The following ATP8A1 variants were observed in gnomAD, a reference collection of about 807,000 sequenced individuals.
The protein encoded by ATP8A1 is ATPase phospholipid transporting 8A1.
In ATP8A1, 90 loss-of-function variants were observed where a neutral mutation model predicts 177.7. The observed-to-expected ratio is 0.51, with a 90% CI of 0.43 to 0.60. The LOEUF is 0.60. ATP8A1 is among the 20% of genes least tolerant of loss of function. ATP8A1 has a pLI of 0.00. For synonymous variants in ATP8A1, 493 were observed against 485.9 expected, an observed-to-expected ratio of 1.01 and a Z score of -0.19; for missense variants, 1,072 against 1,392.8, an observed-to-expected ratio of 0.77 and a Z score of 3.67.
At chr4:42,538,143 A>G (rs1728028957) in intron 20 of ATP8A1, among the ~76,000 whole-genome samples, 1 of 152,218 alleles carries the variant, frequency 6.6e-6, no homozygotes, top group Non-Finnish European at 1.5e-5. Context: ...TCTTTAGCAA[A>G]GCAAACAAAA....
At chr4:42,520,884 T>A (rs1035116168) in intron 22 of ATP8A1, among the ~76,000 whole-genome samples, 2 of 152,176 alleles carry the variant, frequency 1.3e-5, no homozygotes, top group Non-Finnish European at 2.9e-5. Flanking sequence ...TAAAAAGTGA[T>A]AATCTGTTGA....
chr4:42,428,416 C>G (rs1409536129), intron 33 of ATP8A1, among the ~76,000 whole-genome samples: 1 of 152,238 alleles, frequency 6.6e-6, no homozygotes, highest in East Asian at 1.9e-4. Context: ...CTGCCCAAGA[C>G]AGAAACCTGG....
intron 1 of ATP8A1, among the ~76,000 whole-genome samples, chr4:42,639,812 C>T (rs1739781468): frequency 6.6e-6 from 1 of 152,146 alleles, no homozygotes. Context: ...TCCAAGACCC[C>T]TTACCAAATC....
intron 27 of ATP8A1, among the ~76,000 whole-genome samples, chr4:42,456,716 C>T (rs748635019): frequency 5.3e-5 from 8 of 152,104 alleles, no homozygotes; most frequent in Non-Finnish European, 1.2e-4. Context: ...ATTACATAAG[C>T]ACAAATACAA....
intron 1 of ATP8A1, among the ~76,000 whole-genome samples, chr4:42,638,479 A>G (rs1311194741): frequency 6.6e-6 from 1 of 152,246 alleles, no homozygotes; most frequent in East Asian, 1.9e-4. Flanking sequence ...TAGTATGCCT[A>G]GAGTTGGGCG....
rs774247010 is a variant in ATP8A1 at position 42,522,317 on chromosome 4, C to T, written c.1808-18G>A. On this transcript the variant is annotated intron_variant, in intron 21 of 36. Transcript: ENST00000381668. Reference sequence around the variant, plus strand: ...TCTTAACCCTGAAAAAGATAGCATACATCACCCCAACACACCAAAGATTTT... The same window carrying T: ...TCTTAACCCTGAAAAAGATAGCATATATCACCCCAACACACCAAAGATTTT... 24 of 1,611,476 alleles carry T rather than the reference C, an allele frequency of 1.5e-5. No homozygotes were observed. The highest frequency in any genetic ancestry group is 2.2e-5 in the South Asian group (2 of 90,736).
chr4:42,556,699 G>C (rs1730275176), intron 15 of ATP8A1, among the ~76,000 whole-genome samples: 1 of 151,968 alleles, frequency 6.6e-6, no homozygotes, highest in Admixed American at 6.6e-5. Context: ...CTGCAAACTA[G>C]CTATCATTTA....
intron 27 of ATP8A1, among the ~76,000 whole-genome samples, chr4:42,458,349 G>T (rs918778100): frequency 6.6e-6 from 1 of 152,194 alleles, no homozygotes; most frequent in Non-Finnish European, 1.5e-5. Flanking sequence ...TGCTGGGACA[G>T]TATCACCTTA....
chr4:42,581,363 G>A (rs761767471), intron 10 of ATP8A1, among the ~76,000 whole-genome samples: 3 of 152,154 alleles, frequency 2.0e-5, no homozygotes, highest in Non-Finnish European at 2.9e-5. Context: ...TTGATCTCCT[G>A]ACCTTGTGAT....
At chr4:42,618,286 T>G (rs1473047166) in intron 4 of ATP8A1, among the ~76,000 whole-genome samples, 1 of 152,226 alleles carries the variant, frequency 6.6e-6, no homozygotes, top group Non-Finnish European at 1.5e-5. Flanking sequence ...CAAGGCTTAC[T>G]CCCTGGCCCT....
At chr4:42,624,458 A>T in intron 4 of ATP8A1, 78 bp downstream of exon 4, 1 of 767,268 alleles carries the variant, frequency 1.3e-6, no homozygotes, top group Non-Finnish European at 2.0e-6. Flanking sequence ...AGAATTAAAT[A>T]ATTTAAGAAA....
Position 42,657,010 on chromosome 4 carries a change from C to G in ATP8A1, c.-137G>C. The G allele has an allele frequency of 1.0e-6, 1 of 962,526 alleles. No homozygotes were observed. Among genetic ancestry groups the G allele is most frequent in the Non-Finnish European group, 1.4e-6 (1 of 738,130 alleles). 59.6% of individuals were successfully genotyped at this position (962,526 alleles called of 1,614,324 possible). On this transcript the variant is annotated 5_prime_UTR_variant, in exon 1 of 37. Coordinates refer to ENST00000381668, the MANE Select transcript of ATP8A1 (RefSeq NM_006095.2). ...GCGCCGCCGCCCACCTAGGGCAGAG[C>G]TGCCGCCGGGCGCGGCCCCCGCACG...
chr4:42,462,137 G>A (rs1471011234), intron 27 of ATP8A1, among the ~76,000 whole-genome samples: 3 of 152,220 alleles, frequency 2.0e-5, no homozygotes, highest in African/African-American at 7.2e-5. Flanking sequence ...GCCTGACAAT[G>A]CAATAGAAAA....
chr4:42,549,852 T>G (rs1326570978), intron 18 of ATP8A1, among the ~76,000 whole-genome samples: 1 of 151,900 alleles, frequency 6.6e-6, no homozygotes. Context: ...AAAAAAATAA[T>G]TACCAAATAC....
chr4:42,557,309 G>T (rs553310781), intron 15 of ATP8A1, among the ~76,000 whole-genome samples: 137 of 152,210 alleles, frequency 9.0e-4, no homozygotes, highest in Non-Finnish European at 1.7e-3. Flanking sequence ...CTAAGAAAAA[G>T]ATAGCATATA....
intron 25 of ATP8A1, chr4:42,472,067 G>T (rs1560362721): frequency 4.2e-6 from 3 of 720,290 alleles, no homozygotes; most frequent in Non-Finnish European, 7.9e-6. Context: ...TGGAGAAAAA[G>T]TTCAGTGGGA....
At chr4:42,643,937 T>C (rs568839993) in intron 1 of ATP8A1, among the ~76,000 whole-genome samples, 45 of 152,296 alleles carry the variant, frequency 3.0e-4, no homozygotes, top group Admixed American at 1.2e-3. Flanking sequence ...TAGCTTAGGA[T>C]GTTAAAGATA....
intron 30 of ATP8A1, among the ~76,000 whole-genome samples, chr4:42,447,449 C>A (rs1403051190): frequency 2.0e-5 from 3 of 152,034 alleles, no homozygotes; most frequent in African/African-American, 4.8e-5. Context: ...TCCCAAAGCG[C>A]TGGGATTACA....
intron 12 of ATP8A1, 69 bp downstream of exon 12, chr4:42,578,191 C>T: frequency 1.4e-6 from 2 of 1,401,342 alleles, no homozygotes; most frequent in Non-Finnish European, 1.9e-6. Flanking sequence ...CTTTTTTCTC[C>T]TGAGATATCA....
Sources: gnomAD v4.1 joint callset for allele counts (sites outside exome capture counted in the v4.1 genomes callset) on GRCh38, gnomAD v4.1.1 for gene constraint, MANE v1.5 for transcripts, NCBI Gene and HGNC (gene_info 2026-07-23, HGNC 2026-07-21) for gene names.